Variants in RGS6 observed in about 807,000 individuals in gnomAD.
RGS6 encodes regulator of G-protein signaling 6.
In RGS6, 30 loss-of-function variants were observed where a neutral mutation model predicts 78.5. The ratio of observed to expected loss-of-function variants is 0.38; its 90% CI spans 0.29 to 0.52. The LOEUF is 0.52. Ranked by LOEUF, RGS6 falls within the 20% of genes least tolerant of loss-of-function variation. The probability of loss-of-function intolerance (pLI) is 0.85; values close to 1 mark genes in which losing one functional copy is unlikely to be tolerated. For synonymous variants in RGS6, 206 were observed against 206.0 expected (o/e 1.00, Z 0.00); for missense variants, 495 against 609.7 (o/e 0.81, Z 1.98).
At chr14:72,322,983 C>T (rs531446669) in intron 2 of RGS6, among the ~76,000 whole-genome samples, 1 of 151,986 alleles carries the variant, frequency 6.6e-6, no homozygotes, top group Non-Finnish European at 1.5e-5. Context: ...ATGTCGGCTA[C>T]AAGGAAAGAT....
intron 2 of RGS6, among the ~76,000 whole-genome samples, chr14:72,136,327 T>C (rs1038387869): frequency 7.9e-5 from 12 of 152,020 alleles, no homozygotes; most frequent in African/African-American, 2.9e-4. Context: ...TGGTTTATGG[T>C]AGGTGTTCAA....
the RGS6 span, among the ~76,000 whole-genome samples, chr14:71,924,741 G>C: frequency 6.6e-6 from 1 of 152,088 alleles, no homozygotes; most frequent in Non-Finnish European, 1.5e-5. Flanking sequence ...TTTTAAGCCT[G>C]AATAATATTC....
intron 3 of RGS6, among the ~76,000 whole-genome samples, chr14:72,436,459 T>G (rs1327538702): frequency 1.3e-5 from 2 of 152,236 alleles, no homozygotes; most frequent in African/African-American, 4.8e-5. Context: ...TTATCATTTA[T>G]TGATCAGTTC....
chr14:72,201,739 C>T (rs902294691), intron 2 of RGS6, among the ~76,000 whole-genome samples: 9 of 152,188 alleles, frequency 5.9e-5, no homozygotes, highest in African/African-American at 2.2e-4. Flanking sequence ...GGTCAAGTTA[C>T]ACCTGCCACC....
intron 17 of RGS6, among the ~76,000 whole-genome samples, chr14:72,545,544 G>A (rs2097383223): frequency 6.6e-6 from 1 of 152,168 alleles, no homozygotes; most frequent in Non-Finnish European, 1.5e-5. Context: ...CTGCAGGTCT[G>A]TGCTTCCCTC....
intron 3 of RGS6, among the ~76,000 whole-genome samples, chr14:72,428,463 C>A (rs1033986833): frequency 7.2e-5 from 11 of 152,168 alleles, no homozygotes; most frequent in African/African-American, 2.6e-4. Flanking sequence ...TCTGAGAGAG[C>A]CCTAGCAGCA....
intron 2 of RGS6, among the ~76,000 whole-genome samples, chr14:72,113,172 GTGGA>G (rs2095811275): frequency 6.6e-6 from 1 of 152,234 alleles, no homozygotes; most frequent in Non-Finnish European, 1.5e-5. Flanking sequence ...CCCCCGACAT[GTGGA>G]TGACTATGGT....
Position 72,404,068 on chromosome 14 carries a change from G to A in RGS6, c.185-50460G>A, listed in dbSNP as rs757527917. 5.6e-4 allele frequency among the ~76,000 whole-genome samples: 86 copies of A among 152,350 alleles called. 1 individual carries two copies. Among genetic ancestry groups the A allele is most frequent in the Middle Eastern group, 3.4e-3 (1 of 294 alleles). On this transcript the variant is annotated intron_variant, in intron 3 of 17. Coordinates refer to ENST00000553525, the MANE Select transcript of RGS6 (RefSeq NM_001204424.2). ...ATACAAGAAGGTTTCCCTGACCTGG[G>A]ATGGACAGTCATGCACAGTGTTTAC...
chr14:72,605,561 G>C, the RGS6 span, among the ~76,000 whole-genome samples: 2 of 152,224 alleles, frequency 1.3e-5, no homozygotes, highest in Non-Finnish European at 2.9e-5. Context: ...TTCAAAACAC[G>C]GGCTGAGGCT....
chr14:72,131,205 C>T (rs2096307045), intron 2 of RGS6, among the ~76,000 whole-genome samples: 1 of 152,164 alleles, frequency 6.6e-6, no homozygotes, highest in Non-Finnish European at 1.5e-5. Context: ...TCTTTCAACC[C>T]AATCTTGCTA....
chr14:72,338,861 A>G (rs907249350), intron 2 of RGS6, among the ~76,000 whole-genome samples: 1 of 152,202 alleles, frequency 6.6e-6, no homozygotes, highest in African/African-American at 2.4e-5. Flanking sequence ...ATTAAAACCA[A>G]TTGTGAAGGA....
At chr14:72,218,376 TTAA>T (rs1373282311) in intron 2 of RGS6, among the ~76,000 whole-genome samples, 1 of 152,130 alleles carries the variant, frequency 6.6e-6, no homozygotes, top group African/African-American at 2.4e-5. Flanking sequence ...TGTTAATGTA[TTAA>T]TATGTTGTAT....
At chr14:72,619,303 C>A in the RGS6 span, 1 of 1,536,086 alleles carries the variant, frequency 6.5e-7, no homozygotes, top group Non-Finnish European at 8.7e-7. Context: ...GGCCCTAGGC[C>A]TGGCAGCCAA....
At chr14:72,502,656 C>T (rs573930900) in intron 13 of RGS6, among the ~76,000 whole-genome samples, 9 of 152,210 alleles carry the variant, frequency 5.9e-5, no homozygotes, top group Non-Finnish European at 1.3e-4. Flanking sequence ...CCCAGGTACT[C>T]GGGAGCCTGA....
the RGS6 span, among the ~76,000 whole-genome samples, chr14:72,613,855 C>A: frequency 1.3e-5 from 2 of 152,188 alleles, no homozygotes; most frequent in Non-Finnish European, 2.9e-5. Flanking sequence ...CAGGCCTCCC[C>A]GGGGACAGCT....
chr14:72,491,747 T>G (rs138604399), intron 12 of RGS6, among the ~76,000 whole-genome samples: 96 of 152,298 alleles, frequency 6.3e-4, no homozygotes, highest in African/African-American at 2.1e-3. Flanking sequence ...AACCTACATG[T>G]TGGGGGCAGA....
intron 1 of RGS6, chr14:71,933,171 T>C (rs2088131739): frequency 6.6e-6 from 1 of 152,280 alleles, no homozygotes; most frequent in African/African-American, 2.4e-5. Context: ...TGTGGACTTG[T>C]GTGGGATGGG....
At chr14:72,485,155 G>T (rs566225525) in intron 12 of RGS6, among the ~76,000 whole-genome samples, 1 of 152,022 alleles carries the variant, frequency 6.6e-6, no homozygotes, top group South Asian at 2.1e-4. Context: ...AGGGATAAAG[G>T]GACAAGAATG....
Position 72,278,940 on chromosome 14 carries a change from C to T in RGS6, c.85-73155C>T, listed in dbSNP as rs146584770. ...GCAGTGCCCTCTTGTTGTGTGCTCA[C>T]GTGACCTCTTCTTTGTGCACATGTG... On this transcript the variant is annotated intron_variant, in intron 2 of 17. Coordinates refer to ENST00000553525, the MANE Select transcript of RGS6 (RefSeq NM_001204424.2). Among the ~76,000 whole-genome samples, 13 of 152,212 alleles carry T rather than the reference C, an allele frequency of 8.5e-5. No homozygotes were observed. The East Asian group carries it at 2.5e-3, about 30-fold the overall frequency.
Sources: gnomAD v4.1 joint callset for allele counts (sites outside exome capture counted in the v4.1 genomes callset) on GRCh38, gnomAD v4.1.1 for gene constraint, MANE v1.5 for transcripts, NCBI Gene and HGNC (gene_info 2026-07-23, HGNC 2026-07-21) for gene names.